C1QTNF7: variants seen among roughly 807,000 people sequenced by gnomAD.
C1QTNF7 encodes C1q and TNF related 7.
In C1QTNF7, 15 loss-of-function variants were observed where a neutral mutation model predicts 19.6. The ratio of observed to expected loss-of-function variants is 0.76; its 90% confidence interval spans 0.51 to 1.18. C1QTNF7 has a LOEUF of 1.18. Ranked by LOEUF, C1QTNF7 falls within the 50% of genes most tolerant of loss-of-function variation. The probability of loss-of-function intolerance (pLI) is 0.00; values close to 1 mark genes in which losing one functional copy is unlikely to be tolerated. For missense variants in C1QTNF7, 324 were observed against 359.7 expected, an observed-to-expected ratio of 0.90 and a Z score of 0.80; for synonymous variants, 142 against 137.5, an observed-to-expected ratio of 1.03 and a Z score of -0.23.
At chr4:15,384,554 C>A (rs1718260984) in intron 1 of C1QTNF7, among the ~76,000 whole-genome samples, 1 of 152,184 alleles carries the variant, frequency 6.6e-6, no homozygotes. Context: ...AGAGAATGTT[C>A]TGGAGCCTCA....
At chr4:15,413,108 AT>A (rs1285509011) in intron 1 of C1QTNF7, among the ~76,000 whole-genome samples, 1 of 152,218 alleles carries the variant, frequency 6.6e-6, no homozygotes, top group Non-Finnish European at 1.5e-5. Flanking sequence ...CCAACACCAA[AT>A]TTGATCAAAA....
intron 1 of C1QTNF7, among the ~76,000 whole-genome samples, chr4:15,413,183 A>C (rs1719467170): frequency 6.6e-6 from 1 of 152,256 alleles, no homozygotes. Flanking sequence ...AGTCTCCTGC[A>C]CACAACCTCC....
In C1QTNF7 at chr4:15,442,768, T is replaced by A; in HGVS notation, c.839T>A (p.Leu280Gln). 6.2e-7 allele frequency: 1 copy of A among 1,611,946 alleles called. No individual in the cohort carries two copies. Among genetic ancestry groups the A allele is most frequent in the Middle Eastern group, 1.7e-4 (1 of 6,046 alleles). Residue 280 changes from leucine (L) to glutamine (Q), a missense_variant, in exon 3 of 3, where the codon CTA becomes CAA. By Grantham distance (113) the Leu-to-Gln change is moderately radical (BLOSUM62 -2). Coordinates refer to ENST00000444304, the MANE Select transcript of C1QTNF7 (RefSeq NM_031911.5). ...GFLLYVDTDY[L>Q]DSISEDDEL ...CTCTTATACGTTGACACAGATTACC[T>A]AGATTCCATATCAGAAGATGATGAA...
At chr4:15,414,815 A>G (rs1719532590) in intron 1 of C1QTNF7, among the ~76,000 whole-genome samples, 1 of 152,128 alleles carries the variant, frequency 6.6e-6, no homozygotes, top group African/African-American at 2.4e-5. Context: ...AAATGTTTTC[A>G]TGAACTCACA....
chr4:15,424,087 T>C (rs1711926451), upstream of C1QTNF7, among the ~76,000 whole-genome samples: 1 of 152,240 alleles, frequency 6.6e-6, no homozygotes, highest in Non-Finnish European at 1.5e-5. Flanking sequence ...TGCCCTTTTA[T>C]GACATCTCAG....
At chr4:15,397,880 C>T (rs960520008) in intron 1 of C1QTNF7, among the ~76,000 whole-genome samples, 1 of 152,180 alleles carries the variant, frequency 6.6e-6, no homozygotes. Flanking sequence ...GGCGACTACA[C>T]AGTTCTACTT....
intron 1 of C1QTNF7, among the ~76,000 whole-genome samples, chr4:15,401,962 GA>G (rs1279412673): frequency 6.6e-6 from 1 of 151,864 alleles, no homozygotes; most frequent in Admixed American, 6.6e-5. Context: ...ATTTTGAACA[GA>G]AAAAAAGGAA....
At chr4:15,355,002 G>T (rs1040247770) in intron 1 of C1QTNF7, among the ~76,000 whole-genome samples, 2 of 152,080 alleles carry the variant, frequency 1.3e-5, no homozygotes, top group Non-Finnish European at 2.9e-5. Flanking sequence ...GGGATTAATG[G>T]GTCCATGCTG....
chr4:15,401,455 G>A (rs369164757), intron 1 of C1QTNF7, among the ~76,000 whole-genome samples: 7 of 152,310 alleles, frequency 4.6e-5, no homozygotes, highest in Admixed American at 2.6e-4. Context: ...CTGCACTGTT[G>A]TTGGCCAAAT....
At chr4:15,385,697 G>A (rs1049250757) in intron 1 of C1QTNF7, among the ~76,000 whole-genome samples, 3 of 152,198 alleles carry the variant, frequency 2.0e-5, no homozygotes, top group Non-Finnish European at 4.4e-5. Context: ...AGTCCACTCC[G>A]ATTGCTATTT....
intron 1 of C1QTNF7, among the ~76,000 whole-genome samples, chr4:15,355,505 G>A (rs1577231098): frequency 6.6e-6 from 1 of 152,070 alleles, no homozygotes; most frequent in African/African-American, 2.4e-5. Flanking sequence ...GATCGTGCAC[G>A]GTGAAACCAC....
chr4:15,411,625 G>T (rs1448798052), intron 1 of C1QTNF7, among the ~76,000 whole-genome samples: 1 of 152,162 alleles, frequency 6.6e-6, no homozygotes, highest in Admixed American at 6.6e-5. Context: ...AGAAATCACT[G>T]TCTAAACCAA....
At chr4:15,403,213 T>C (rs1168956517) in intron 1 of C1QTNF7, among the ~76,000 whole-genome samples, 1 of 152,170 alleles carries the variant, frequency 6.6e-6, no homozygotes, top group Non-Finnish European at 1.5e-5. Context: ...CCCTTCCCTC[T>C]TGGAGTCAGC....
chr4:15,360,223 C>T (rs1471124500), intron 1 of C1QTNF7, among the ~76,000 whole-genome samples: 1 of 150,988 alleles, frequency 6.6e-6, no homozygotes, highest in Non-Finnish European at 1.5e-5. Context: ...TATGGGTAAA[C>T]TAACCCATCG....
chr4:15,378,508 G>A (rs1205137039), intron 1 of C1QTNF7, among the ~76,000 whole-genome samples: 1 of 152,110 alleles, frequency 6.6e-6, no homozygotes, highest in Non-Finnish European at 1.5e-5. Flanking sequence ...TTTTCAACAT[G>A]TTCTTCCTCA....
chr4:15,402,335 G>C (rs2108908494), intron 1 of C1QTNF7, among the ~76,000 whole-genome samples: 1 of 152,242 alleles, frequency 6.6e-6, no homozygotes, highest in African/African-American at 2.4e-5. Flanking sequence ...AAGAATTCAA[G>C]GACTGTATTA....
intron 1 of C1QTNF7, among the ~76,000 whole-genome samples, chr4:15,404,240 T>C (rs1381152743): frequency 6.6e-6 from 1 of 152,222 alleles, no homozygotes; most frequent in Non-Finnish European, 1.5e-5. Flanking sequence ...TTCTATGCCA[T>C]TCATGGAAGC....
At chr4:15,370,406 T>G (rs927924172) in intron 1 of C1QTNF7, among the ~76,000 whole-genome samples, 2 of 152,112 alleles carry the variant, frequency 1.3e-5, no homozygotes, top group African/African-American at 4.8e-5. Flanking sequence ...AAGAATAATG[T>G]TCTCTAATTA....
chr4:15,376,289 T>C (rs938257031), intron 1 of C1QTNF7, among the ~76,000 whole-genome samples: 1 of 152,246 alleles, frequency 6.6e-6, no homozygotes, highest in Non-Finnish European at 1.5e-5. Context: ...ATGAAGTTTG[T>C]AATGTGAAAG....
Sources: allele counts gnomAD v4.1 joint callset (sites outside exome capture counted in the v4.1 genomes callset), GRCh38; gene constraint gnomAD v4.1.1; transcripts MANE v1.5; gene names NCBI Gene and HGNC (gene_info 2026-07-23, HGNC 2026-07-21).